RHBDD1: variants seen among roughly 807,000 people sequenced by gnomAD.
The protein encoded by RHBDD1 is rhomboid-related protein 4.
Under a neutral mutation model 36.3 loss-of-function variants are expected in RHBDD1, and 38 were observed. The observed-to-expected ratio is 1.05, with a 90% CI of 0.81 to 1.37. The LOEUF is 1.37. Ranked by LOEUF, RHBDD1 falls within the 40% of genes most tolerant of loss-of-function variation. RHBDD1 has a pLI of 0.00. For synonymous variants in RHBDD1, 151 were observed against 136.5 expected, an observed-to-expected ratio of 1.11 and a Z score of -0.74; for missense variants, 393 against 377.6, an observed-to-expected ratio of 1.04 and a Z score of -0.34.
At chr2:226,968,733 G>T (rs764593220) in intron 8 of RHBDD1, among the ~76,000 whole-genome samples, 1 of 152,204 alleles carries the variant, frequency 6.6e-6, no homozygotes, top group Non-Finnish European at 1.5e-5. Flanking sequence ...TCTAGAGGGG[G>T]TGACTATTAA....
chr2:226,815,509 A>T, the RHBDD1 span, among the ~76,000 whole-genome samples: 3 of 152,210 alleles, frequency 2.0e-5, no homozygotes, highest in Non-Finnish European at 4.4e-5. Context: ...TGAATATTTT[A>T]CTTCTTAATT....
At chr2:226,801,974 T>C in the RHBDD1 span, among the ~76,000 whole-genome samples, 2 of 152,100 alleles carry the variant, frequency 1.3e-5, no homozygotes, top group South Asian at 4.1e-4. Flanking sequence ...ATCAAATCCA[T>C]GGACATTTAC....
intron 8 of RHBDD1, among the ~76,000 whole-genome samples, chr2:226,929,169 A>G (rs959419257): frequency 6.6e-6 from 1 of 152,154 alleles, no homozygotes; most frequent in Non-Finnish European, 1.5e-5. Flanking sequence ...TATCACCATG[A>G]CACCAAAGCC....
chr2:226,937,591 C>T (rs868706262), intron 8 of RHBDD1, among the ~76,000 whole-genome samples: 31 of 152,106 alleles, frequency 2.0e-4, no homozygotes, highest in African/African-American at 7.0e-4. Flanking sequence ...TCTTCTTCCT[C>T]TTGCCCTCCA....
chr2:226,884,199 C>G (rs1946026484), intron 5 of RHBDD1, among the ~76,000 whole-genome samples: 1 of 152,004 alleles, frequency 6.6e-6, no homozygotes, highest in Non-Finnish European at 1.5e-5. Flanking sequence ...TCCCTTTCCT[C>G]TTCTGCTTGT....
intron 5 of RHBDD1, chr2:226,869,069 C>A: frequency 6.0e-6 from 3 of 503,222 alleles, no homozygotes; most frequent in Non-Finnish European, 7.7e-6. Context: ...GTGATGAATC[C>A]ATTGAATAAC....
At chr2:226,865,858 G>A (rs1944280627) in intron 4 of RHBDD1, among the ~76,000 whole-genome samples, 1 of 152,166 alleles carries the variant, frequency 6.6e-6, no homozygotes, top group Non-Finnish European at 1.5e-5. Flanking sequence ...AGAACTACAA[G>A]CGAGAAAGGA....
intron 5 of RHBDD1, among the ~76,000 whole-genome samples, chr2:226,885,970 G>C (rs2125442023): frequency 6.6e-6 from 1 of 152,316 alleles, no homozygotes; most frequent in East Asian, 1.9e-4. Flanking sequence ...TGTGTCCCAC[G>C]TGGGATGGAG....
At chr2:226,916,429 C>G (rs1037527942) in intron 8 of RHBDD1, among the ~76,000 whole-genome samples, 2 of 152,152 alleles carry the variant, frequency 1.3e-5, no homozygotes, top group African/African-American at 4.8e-5. Flanking sequence ...TATTCCTGTA[C>G]ACACAGGTTT....
chr2:226,981,132 C>T (rs1460284889), intron 8 of RHBDD1, among the ~76,000 whole-genome samples: 1 of 152,106 alleles, frequency 6.6e-6, no homozygotes, highest in Non-Finnish European at 1.5e-5. Flanking sequence ...AAACCAAACA[C>T]CGCATGTTCT....
intron 7 of RHBDD1, among the ~76,000 whole-genome samples, chr2:226,910,511 G>T (rs890763200): frequency 6.6e-6 from 1 of 151,946 alleles, no homozygotes; most frequent in African/African-American, 2.4e-5. Flanking sequence ...AGAACCGCAT[G>T]AATATTTAAA....
chr2:226,901,997 A>G lies in RHBDD1; in HGVS notation c.567-4796A>G, dbSNP rs183972180. The stretch of plus-strand genomic sequence containing the variant: ...TTTACTGTAGTTGCTGTGGTCATGG[A>G]TGTAGAGTTGGTGGTGGTCCTGTCC... On this transcript the variant is annotated intron_variant, in intron 5 of 8. Transcript: ENST00000392062. Among the ~76,000 whole-genome samples the G allele has an allele frequency of 9.9e-5, 15 of 152,186 alleles. No individual in the cohort carries two copies. In the East Asian group the frequency reaches 2.9e-3, roughly 29 times the overall value.
chr2:226,906,812 C>G lies in RHBDD1; in HGVS notation c.586C>G (p.Leu196Val). The G allele has an allele frequency of 6.2e-7, 1 of 1,614,120 alleles. No individual in the cohort carries two copies. Among genetic ancestry groups the G allele is most frequent in the Non-Finnish European group, 8.5e-7 (1 of 1,179,990 alleles). The change falls in exon 6 of 9, where the codon CTG becomes GTG. Residue 196 changes from leucine (L) to valine (V), a missense_variant. Transcript: ENST00000392062. ...FSPGTSFAGH[L>V]AGILVGLMYT... ...TCCTAGGACTTCCTTCGCTGGGCAT[C>G]TGGCTGGGATTCTTGTTGGACTAAT...
At chr2:226,897,171 A>G (rs993163529) in intron 5 of RHBDD1, among the ~76,000 whole-genome samples, 1 of 152,170 alleles carries the variant, frequency 6.6e-6, no homozygotes, top group African/African-American at 2.4e-5. Flanking sequence ...AGCTGCCTGA[A>G]TCTTCCATTC....
intron 3 of RHBDD1, among the ~76,000 whole-genome samples, chr2:226,840,263 A>G (rs1444535650): frequency 6.6e-6 from 1 of 152,188 alleles, no homozygotes; most frequent in East Asian, 1.9e-4. Flanking sequence ...AAGAAAATCT[A>G]TCAAATTTCT....
intron 8 of RHBDD1, among the ~76,000 whole-genome samples, chr2:226,943,982 C>T (rs750730792): frequency 6.6e-6 from 1 of 152,166 alleles, no homozygotes; most frequent in Non-Finnish European, 1.5e-5. Context: ...GGAAGGGATC[C>T]AAGTGGCCAT....
At chr2:226,806,264 A>T in the RHBDD1 span, among the ~76,000 whole-genome samples, 1 of 152,118 alleles carries the variant, frequency 6.6e-6, no homozygotes, top group Admixed American at 6.5e-5. Flanking sequence ...GTCCGGTGTG[A>T]CTCTACAAGT....
intron 5 of RHBDD1, among the ~76,000 whole-genome samples, chr2:226,891,355 T>A (rs1021522637): frequency 6.6e-6 from 1 of 152,212 alleles, no homozygotes; most frequent in African/African-American, 2.4e-5. Flanking sequence ...GCTCACAATG[T>A]GGTACCTTCC....
rs1192547428 is a variant in RHBDD1, at chr2:226,839,491, T to G, written c.-227T>G. The stretch of plus-strand genomic sequence containing the variant: ...CAGTGAGGTTGAAGGGCACAGGCTC[T>G]TGGTCCTTGGCAGCGATATTAGGAG... On this transcript the variant is annotated 5_prime_UTR_variant, in exon 3 of 9. Coordinates refer to ENST00000392062, the MANE Select transcript of RHBDD1 (RefSeq NM_001167608.3). 1.3e-5 allele frequency: 2 copies of G among 152,192 alleles called. No individual in the cohort carries two copies. The highest frequency in any genetic ancestry group is 2.9e-5 in the Non-Finnish European group (2 of 68,034). 9.4% of individuals were successfully genotyped at this position (152,192 alleles called of 1,614,324 possible).
Sources: gnomAD v4.1 joint callset for allele counts (sites outside exome capture counted in the v4.1 genomes callset) on GRCh38, gnomAD v4.1.1 for gene constraint, MANE v1.5 for transcripts, NCBI Gene and HGNC (gene_info 2026-07-23, HGNC 2026-07-21) for gene names.